The following TMPRSS6 variants were observed in gnomAD, a reference collection of about 807,000 sequenced individuals.
TMPRSS6 encodes the protein transmembrane serine protease 6.
In TMPRSS6, 67 loss-of-function variants were observed where a neutral mutation model predicts 101.5. The ratio of observed to expected loss-of-function variants is 0.66; its 90% CI spans 0.54 to 0.81. TMPRSS6 has a LOEUF of 0.81. Among genes scored for constraint, TMPRSS6 ranks in the 30% least tolerant of loss-of-function variants. The pLI, the probability that TMPRSS6 is intolerant of heterozygous loss-of-function variation, is 0.00. For missense variants in TMPRSS6, 1,034 were observed against 1,088.7 expected, an observed-to-expected ratio of 0.95 and a Z score of 0.71; for synonymous variants, 453 against 464.9, an observed-to-expected ratio of 0.97 and a Z score of 0.33.
At chr22:37,071,884 G>A (rs561086205) in intron 13 of TMPRSS6, among the ~76,000 whole-genome samples, 1 of 152,106 alleles carries the variant, frequency 6.6e-6, no homozygotes, top group East Asian at 1.9e-4. Flanking sequence ...GGAGATCAGT[G>A]GATGGGTGGA....
intron 6 of TMPRSS6, among the ~76,000 whole-genome samples, chr22:37,090,307 A>G (rs1929153835): frequency 6.6e-6 from 1 of 152,202 alleles, no homozygotes; most frequent in South Asian, 2.1e-4. Context: ...CTGCAGCCAT[A>G]GGGAGCCACA....
At chr22:37,084,670 G>A (rs1928551807) in intron 9 of TMPRSS6, 57 bp downstream of exon 9, 1 of 1,424,370 alleles carries the variant, frequency 7.0e-7, no homozygotes, top group Non-Finnish European at 9.7e-7. Context: ...CGGGTCACCA[G>A]GGACCTGTAG....
At chr22:37,089,106 C>T (rs1049831047) in intron 7 of TMPRSS6, among the ~76,000 whole-genome samples, 5 of 152,140 alleles carry the variant, frequency 3.3e-5, no homozygotes, top group African/African-American at 7.2e-5. Context: ...ACCTACTGTG[C>T]GTTTGGTCTA....
intron 1 of TMPRSS6, among the ~76,000 whole-genome samples, chr22:37,109,045 T>G (rs1452235891): frequency 1.3e-5 from 2 of 152,046 alleles, no homozygotes; most frequent in Non-Finnish European, 2.9e-5. Context: ...CACATACACA[T>G]ACATGCCAAC....
Position 37,074,643 on chromosome 22 carries a change from C to T in TMPRSS6, c.1408G>A (p.Asp470Asn), listed in dbSNP as rs1165830271. Residue 470 changes from aspartate (D) to asparagine (N), a missense_variant, in exon 12 of 18, where the codon GAC becomes AAC. By Grantham distance (23) the Asp-to-Asn change is conservative (BLOSUM62 1). Coordinates refer to ENST00000676104, the MANE Select transcript of TMPRSS6 (RefSeq NM_001374504.1). ...LCVPACDGVK[D>N]CPNGLDERNC... ...CTCTCATCCAGGCCGTTGGGGCAGT[C>T]CTTGACCCCATCACAGGCAGGGACA... is the stretch of plus-strand genomic sequence containing the variant. 1.2e-6 allele frequency: 2 copies of T among 1,614,196 alleles called. No homozygotes were observed. The highest frequency in any genetic ancestry group is 1.3e-5 in the African/African-American group (1 of 75,052).
At chr22:37,089,880 G>T in intron 6 of TMPRSS6, 98 bp from the exon 7 acceptor site, 1 of 1,251,814 alleles carries the variant, frequency 8.0e-7, no homozygotes, top group Non-Finnish European at 1.1e-6. Flanking sequence ...CAGGCAGGAT[G>T]GGCTGGGCAG....
At position 37,101,967 on chromosome 22, in the gene TMPRSS6, A is replaced by G. The variant is rs1018546797; in HGVS notation, c.202+1249T>C. Among the ~76,000 whole-genome samples the G allele has an allele frequency of 1.3e-5, 2 of 152,214 alleles. No individual in the cohort carries two copies. The highest frequency in any genetic ancestry group is 2.4e-5 in the African/African-American group (1 of 41,446). On this transcript the variant is annotated intron_variant, in intron 2 of 17. Transcript: ENST00000676104. The surrounding 1 kb of genome is among the most constrained non-coding windows in gnomAD (Gnocchi z 4.1). Reference sequence around the variant, plus strand: ...TTGCTCAACTCTGGGTAGAATCACTATAAGTCATTGCAAGCAGGCCCGTGT... The same window carrying G: ...TTGCTCAACTCTGGGTAGAATCACTGTAAGTCATTGCAAGCAGGCCCGTGT...
intron 6 of TMPRSS6, among the ~76,000 whole-genome samples, chr22:37,093,336 G>A (rs1034889299): frequency 1.3e-5 from 2 of 150,500 alleles, no homozygotes; most frequent in Non-Finnish European, 3.0e-5. Context: ...TCTATTGCAG[G>A]AGAAAAAATA....
At chr22:37,081,435 G>T (rs1928261237) in intron 10 of TMPRSS6, among the ~76,000 whole-genome samples, 1 of 152,180 alleles carries the variant, frequency 6.6e-6, no homozygotes, top group South Asian at 2.1e-4. Flanking sequence ...AGCCTGACTT[G>T]GAATGGCGTT....
chr22:37,066,775 G>A (rs1346391110), intron 17 of TMPRSS6, 51 bp downstream of exon 17: 1 of 1,612,626 alleles, frequency 6.2e-7, no homozygotes, highest in Non-Finnish European at 8.5e-7. Flanking sequence ...CTGGTGATGT[G>A]GGCAGCATCC....
At chr22:37,097,362 A>G (rs1164352785) in intron 3 of TMPRSS6, among the ~76,000 whole-genome samples, 2 of 152,178 alleles carry the variant, frequency 1.3e-5, no homozygotes, top group African/African-American at 4.8e-5. Context: ...AAAGTGGGCA[A>G]CCAACACAGG....
intron 11 of TMPRSS6, among the ~76,000 whole-genome samples, 167 bp from the exon 12 acceptor site, chr22:37,074,875 T>C (rs1010384071): frequency 6.6e-6 from 1 of 152,208 alleles, no homozygotes; most frequent in Non-Finnish European, 1.5e-5. Flanking sequence ...CAGACATACA[T>C]ATCCAGACAC....
At chr22:37,090,479 T>TG (rs1929166686) in intron 6 of TMPRSS6, among the ~76,000 whole-genome samples, 1 of 152,122 alleles carries the variant, frequency 6.6e-6, no homozygotes, top group African/African-American at 2.4e-5. Flanking sequence ...GAGGCTGCCC[T>TG]GGGGGGAGGA....
At chr22:37,072,986 GGATA>G (rs559555856) in intron 13 of TMPRSS6, among the ~76,000 whole-genome samples, 195 of 150,098 alleles carry the variant, frequency 1.3e-3, no homozygotes, top group African/African-American at 4.5e-3. Flanking sequence ...GATGATGGAT[GGATA>G]GATGGATGAT....
In TMPRSS6 at chr22:37,070,480, T is replaced by A; in HGVS notation, c.1841+4A>T. ...TGCCTAGGCCCCCACACCCTCCCGC[T>A]CACCTGTCCTCCTGGAAGCAGTGGG... On this transcript the variant is annotated splice_donor_region_variant and intron_variant, in intron 15 of 17. Transcript: ENST00000676104. The A allele has an allele frequency of 6.2e-7, 1 of 1,613,258 alleles. No individual in the cohort carries two copies. Among genetic ancestry groups the A allele is most frequent in the Non-Finnish European group, 8.5e-7 (1 of 1,179,894 alleles).
In TMPRSS6 at chr22:37,086,283, C is replaced by T. The variant is rs746433048; in HGVS notation, c.973G>A (p.Ala325Thr). The change falls in exon 8 of 18, where the codon GCC becomes ACC. Residue 325 changes from alanine to threonine, a missense_variant and splice_region_variant. By Grantham distance (58) the Ala-to-Thr change is moderately conservative (BLOSUM62 0). Transcript: ENST00000676104. ...VLSVQPVVFQ[A>T]CEVNLTLDNR... Reference sequence around the variant, plus strand: ...GCCCCAGGGACCCCTGACCTCTCACCCTGGAAGACCACCGGCTGCACGGAG... The same window carrying T: ...GCCCCAGGGACCCCTGACCTCTCACTCTGGAAGACCACCGGCTGCACGGAG... 20 of 1,613,798 alleles carry T rather than the reference C, an allele frequency of 1.2e-5. No homozygotes were observed. Among genetic ancestry groups the T allele is most frequent in the Admixed American group, 3.3e-5 (2 of 59,992 alleles).
intron 10 of TMPRSS6, among the ~76,000 whole-genome samples, chr22:37,083,785 G>A (rs947068425): frequency 2.0e-5 from 3 of 152,208 alleles, no homozygotes; most frequent in Admixed American, 6.5e-5. Context: ...CAAGTGCCCC[G>A]TTGGGGATTC....
Position 37,084,335 on chromosome 22 carries a change from A to G in TMPRSS6, c.1156T>C (p.Leu386=), listed in dbSNP as rs777494989. The G allele has an allele frequency of 1.2e-5, 20 of 1,613,664 alleles. No homozygotes were observed. Among genetic ancestry groups the G allele is most frequent in the Non-Finnish European group, 1.6e-5 (19 of 1,179,858 alleles). The change falls in exon 10 of 18, where the codon TTG becomes CTG. Residue 386 remains leucine, a synonymous_variant. Transcript: ENST00000676104. ...AYALRRQKYD[L]PCTQGQWTIQ... ...GTCCACTGGCCCTGGGTGCACGGCAAATCATACTTCTGCCTCCTCAGTGCA... is the reference window on the plus strand; with the variant it reads ...GTCCACTGGCCCTGGGTGCACGGCAGATCATACTTCTGCCTCCTCAGTGCA...
At chr22:37,104,947 C>CA (rs1171087471) in intron 1 of TMPRSS6, among the ~76,000 whole-genome samples, 3 of 146,928 alleles carry the variant, frequency 2.0e-5, no homozygotes, top group African/African-American at 7.7e-5. Context: ...GGTGACAGAG[C>CA]AAGACTCTGC....
Sources: gnomAD v4.1 joint callset for allele counts (sites outside exome capture counted in the v4.1 genomes callset) on GRCh38, gnomAD v4.1.1 for gene constraint, Gnocchi (gnomAD v3.1) non-coding constraint, MANE v1.5 for transcripts, NCBI Gene and HGNC (gene_info 2026-07-23, HGNC 2026-07-21) for gene names.